DAB1: variants seen among roughly 807,000 people sequenced by gnomAD.
The protein encoded by DAB1 is disabled homolog 1.
In DAB1, 15 loss-of-function variants were observed where a neutral mutation model predicts 64.6. The ratio of observed to expected loss-of-function variants is 0.23; its 90% CI spans 0.16 to 0.36. The LOEUF is 0.36. Ranked by LOEUF, DAB1 falls within the 10% of genes least tolerant of loss-of-function variation. DAB1 has a pLI of 1.00. For missense variants in DAB1, 596 were observed against 706.7 expected (o/e 0.84, Z 1.78); for synonymous variants, 235 against 251.9 (o/e 0.93, Z 0.64).
intron 7 of DAB1, among the ~76,000 whole-genome samples, chr1:57,571,940 T>C (rs1438600895): frequency 6.6e-6 from 1 of 152,134 alleles, no homozygotes; most frequent in Non-Finnish European, 1.5e-5. Context: ...GGAGAACCAA[T>C]AAATTATCCC....
At chr1:57,277,956 G>A (rs1331148779) in intron 2 of DAB1, among the ~76,000 whole-genome samples, 1 of 152,180 alleles carries the variant, frequency 6.6e-6, no homozygotes, top group Non-Finnish European at 1.5e-5. Context: ...AGGGAAAGCT[G>A]AAAGACTCAA....
chr1:58,236,089 G>A (rs2100364066), intron 4 of DAB1, among the ~76,000 whole-genome samples: 1 of 151,420 alleles, frequency 6.6e-6, no homozygotes, highest in East Asian at 2.0e-4. Flanking sequence ...CCCTTGGCCT[G>A]CAGCCCTGCC....
At chr1:58,180,338 A>AC (rs1455141153) in intron 4 of DAB1, among the ~76,000 whole-genome samples, 1 of 116,096 alleles carries the variant, frequency 8.6e-6, no homozygotes, top group African/African-American at 3.4e-5. Flanking sequence ...TGTTGCCCAG[A>AC]CTGGAGTGCA....
At chr1:57,745,430 C>T (rs1462171643) in intron 6 of DAB1, among the ~76,000 whole-genome samples, 1 of 152,096 alleles carries the variant, frequency 6.6e-6, no homozygotes, top group Non-Finnish European at 1.5e-5. Context: ...CTACTCATTT[C>T]TGTGAGGATT....
At chr1:58,092,029 T>C (rs1284327281) in intron 5 of DAB1, among the ~76,000 whole-genome samples, 1 of 151,348 alleles carries the variant, frequency 6.6e-6, no homozygotes, top group African/African-American at 2.4e-5. Context: ...GTTTCCAAGA[T>C]TGGGTAATTA....
At chr1:57,493,933 T>C (rs1644197856) in intron 7 of DAB1, among the ~76,000 whole-genome samples, 1 of 152,194 alleles carries the variant, frequency 6.6e-6, no homozygotes, top group Non-Finnish European at 1.5e-5. Context: ...AGGCTTTGTG[T>C]GTATTTCGGC....
At chr1:58,470,934 CA>C (rs1471135711) in intron 3 of DAB1, among the ~76,000 whole-genome samples, 1 of 152,126 alleles carries the variant, frequency 6.6e-6, no homozygotes, top group Non-Finnish European at 1.5e-5. Context: ...ATCGTAGCAG[CA>C]AAAGCTTATT....
intron 5 of DAB1, among the ~76,000 whole-genome samples, chr1:57,995,648 T>G (rs1301451030): frequency 1.3e-5 from 2 of 152,146 alleles, no homozygotes; most frequent in Non-Finnish European, 2.9e-5. Context: ...GGTAATTTTC[T>G]CAACGTTAAT....
At chr1:58,122,308 G>T (rs1172731277) in intron 5 of DAB1, among the ~76,000 whole-genome samples, 1 of 152,160 alleles carries the variant, frequency 6.6e-6, no homozygotes, top group Non-Finnish European at 1.5e-5. Context: ...AAGGGATTTG[G>T]AGTTAATAGA....
At chr1:57,444,905 T>A (rs1366356537) in intron 7 of DAB1, among the ~76,000 whole-genome samples, 1 of 152,188 alleles carries the variant, frequency 6.6e-6, no homozygotes, top group Non-Finnish European at 1.5e-5. Context: ...CCTAGGAAAC[T>A]AATACTGTCA....
At chr1:57,841,529 C>A (rs757001816) in intron 1 of DAB1, among the ~76,000 whole-genome samples, 1 of 152,164 alleles carries the variant, frequency 6.6e-6, no homozygotes, top group East Asian at 1.9e-4. Flanking sequence ...CATCTTGAGG[C>A]AAAGGCTCCT....
At chr1:57,801,480 A>C (rs183909557) in intron 6 of DAB1, among the ~76,000 whole-genome samples, 24 of 152,312 alleles carry the variant, frequency 1.6e-4, no homozygotes, top group Non-Finnish European at 2.9e-4. Flanking sequence ...AAAATATAGA[A>C]GACTTATCTT....
At chr1:57,476,327 C>T (rs1289396384) in intron 7 of DAB1, among the ~76,000 whole-genome samples, 1 of 151,576 alleles carries the variant, frequency 6.6e-6, no homozygotes, top group East Asian at 1.9e-4. Flanking sequence ...GTAACATGCC[C>T]CAGAGTCCCA....
intron 11 of DAB1, among the ~76,000 whole-genome samples, chr1:57,016,121 A>G (rs1377633035): frequency 6.6e-6 from 1 of 152,216 alleles, no homozygotes; most frequent in Non-Finnish European, 1.5e-5. Context: ...TACCTGACAC[A>G]GGATCAACAT....
At chr1:57,372,854 C>T (rs1680608721) in intron 1 of DAB1, among the ~76,000 whole-genome samples, 1 of 152,034 alleles carries the variant, frequency 6.6e-6, no homozygotes, top group Non-Finnish European at 1.5e-5. Flanking sequence ...CAAAAAATGA[C>T]TTCTCTCTCC....
At chr1:57,522,298 C>T (rs1453294627) in intron 7 of DAB1, among the ~76,000 whole-genome samples, 1 of 152,168 alleles carries the variant, frequency 6.6e-6, no homozygotes, top group African/African-American at 2.4e-5. Flanking sequence ...TACTCTCTCA[C>T]CCTTTAGGAG....
chr1:57,300,856 T>C (rs535510047), intron 1 of DAB1, among the ~76,000 whole-genome samples: 1 of 152,300 alleles, frequency 6.6e-6, no homozygotes, highest in South Asian at 2.1e-4. Context: ...ATGCATACAT[T>C]GGTGAAGACC....
chr1:57,748,640 C>T (rs112516529), intron 6 of DAB1, among the ~76,000 whole-genome samples: 3,013 of 152,230 alleles, frequency 0.02, 89 homozygotes, highest in African/African-American at 0.07. Flanking sequence ...TACAAGGAGA[C>T]ATTTCAAATA....
rs80119727 is a variant in DAB1, at chr1:57,445,942, A to C, written n.626-154776T>G. On this transcript the variant is annotated intron_variant and non_coding_transcript_variant, in intron 7 of 20. Coordinates refer to the DAB1 transcript ENST00000485760. ...AAACTGCATCTATTTCTATCAGTAC[A>C]AAAGGAGTATTCTGAATCAGTCTTT... Among the ~76,000 whole-genome samples, 1,480 of 152,290 alleles carry C rather than the reference A, an allele frequency of 9.7e-3. 20 individuals carry two copies. Among genetic ancestry groups the C allele is most frequent in the African/African-American group, 0.028 (1,164 of 41,552 alleles).
Sources: gnomAD v4.1 joint callset for allele counts (sites outside exome capture counted in the v4.1 genomes callset) on GRCh38, gnomAD v4.1.1 for gene constraint, MANE v1.5 for transcripts, NCBI Gene and HGNC (gene_info 2026-07-23, HGNC 2026-07-21) for gene names.